Variants in CHSY3 observed in about 807,000 individuals in gnomAD.
CHSY3 encodes the protein N-acetylgalactosaminyl-proteoglycan 3-beta-glucuronosyltransferase 3.
Under a neutral mutation model 67.2 loss-of-function variants are expected in CHSY3, and 35 were observed. That is an observed-to-expected ratio of 0.52 (90% CI 0.40 to 0.69). The LOEUF is 0.69. Among genes scored for constraint, CHSY3 ranks in the 30% least tolerant of loss-of-function variants. The pLI is 0.00. For missense variants in CHSY3, 1,069 were observed against 1,138.5 expected (o/e 0.94, Z 0.88); for synonymous variants, 474 against 434.7 (o/e 1.09, Z -1.12).
At chr5:130,006,484 T>C (rs752371180) in intron 2 of CHSY3, among the ~76,000 whole-genome samples, 2 of 152,322 alleles carry the variant, frequency 1.3e-5, no homozygotes, top group Middle Eastern at 6.8e-3. Flanking sequence ...TGAGGTAATA[T>C]GTTTCAAAAT....
intron 2 of CHSY3, among the ~76,000 whole-genome samples, chr5:130,071,496 C>A (rs1370437432): frequency 1.3e-5 from 2 of 150,862 alleles, no homozygotes; most frequent in African/African-American, 2.4e-5. Context: ...TAAAACTGCG[C>A]AAAATATAGC....
intron 2 of CHSY3, among the ~76,000 whole-genome samples, chr5:129,952,214 G>A (rs114441989): frequency 1.3e-4 from 20 of 152,260 alleles, no homozygotes; most frequent in African/African-American, 4.3e-4. Flanking sequence ...AGCTCTTAGA[G>A]CAATAAGCAG....
intron 2 of CHSY3, among the ~76,000 whole-genome samples, chr5:130,162,370 A>G (rs1023451317): frequency 1.8e-4 from 27 of 152,106 alleles, no homozygotes; most frequent in Non-Finnish European, 4.4e-5. Flanking sequence ...CTCCCCATTT[A>G]AAAAAATGAG....
At chr5:130,042,659 T>G in intron 2 of CHSY3, among the ~76,000 whole-genome samples, 1 of 152,256 alleles carries the variant, frequency 6.6e-6, no homozygotes, top group Middle Eastern at 3.4e-3. Flanking sequence ...ATAAAATCAA[T>G]TACTTTCTTA....
rs544210482 is a variant in CHSY3 at position 130,102,764 on chromosome 5, T to C, written c.1087-81465T>C. Among the ~76,000 whole-genome samples, 12 of 152,228 alleles carry C rather than the reference T, an allele frequency of 7.9e-5. No homozygotes were observed. The South Asian group carries it at 2.3e-3, about 29-fold the overall frequency. ...TTTAAATTCCTACATATTGGCCTGG[T>C]TGTCGAGAAGAATAAGGGAATGGGG... On this transcript the variant is annotated intron_variant, in intron 2 of 2. Coordinates refer to ENST00000305031, the MANE Select transcript of CHSY3 (RefSeq NM_175856.5).
intron 2 of CHSY3, among the ~76,000 whole-genome samples, chr5:129,940,274 C>T (rs377600814): frequency 4.6e-5 from 7 of 152,066 alleles, no homozygotes; most frequent in South Asian, 2.1e-4. Flanking sequence ...TTGTTTACTA[C>T]CTATATGAGT....
At chr5:130,066,397 A>G (rs6889080) in intron 2 of CHSY3, among the ~76,000 whole-genome samples, 1,722 of 152,210 alleles carry the variant, frequency 0.011, 26 homozygotes, top group African/African-American at 0.038. Flanking sequence ...ATAAAAGTTA[A>G]GTGACTCTTC....
intron 2 of CHSY3, among the ~76,000 whole-genome samples, chr5:130,078,137 G>T (rs1766332585): frequency 1.3e-5 from 2 of 152,098 alleles, no homozygotes; most frequent in Admixed American, 1.3e-4. Context: ...GTTGGTGATA[G>T]GATTTTGAAT....
intron 2 of CHSY3, among the ~76,000 whole-genome samples, chr5:130,151,675 C>T (rs1769235261): frequency 1.3e-5 from 2 of 152,168 alleles, no homozygotes; most frequent in African/African-American, 4.8e-5. Flanking sequence ...CATGGTGGCA[C>T]GAAGAAGTGT....
In CHSY3 at chr5:130,087,207, G is replaced by A. The variant is rs1229223571; in HGVS notation, c.1087-97022G>A. ...AACTCTCAATAAATTAGGTATTGATGGGATGTATCTCAAAATAATAAGAGC... is the reference window on the plus strand; with the variant it reads ...AACTCTCAATAAATTAGGTATTGATAGGATGTATCTCAAAATAATAAGAGC... On this transcript the variant is annotated intron_variant, in intron 2 of 2. Coordinates refer to ENST00000305031, the MANE Select transcript of CHSY3 (RefSeq NM_175856.5). Among the ~76,000 whole-genome samples the A allele has an allele frequency of 2.6e-5, 4 of 151,672 alleles. No individual in the cohort carries two copies. The East Asian group carries it at 5.8e-4, about 22-fold the overall frequency.
At chr5:130,146,765 G>A (rs1769086428) in intron 2 of CHSY3, among the ~76,000 whole-genome samples, 1 of 149,338 alleles carries the variant, frequency 6.7e-6, no homozygotes, top group Admixed American at 6.7e-5. Flanking sequence ...TAAAAAAAAA[G>A]CATTTTCATT....
chr5:130,077,999 G>A (rs1191478741), intron 2 of CHSY3, among the ~76,000 whole-genome samples: 1 of 151,998 alleles, frequency 6.6e-6, no homozygotes, highest in East Asian at 1.9e-4. Context: ...CAGTCACTGT[G>A]CTAAGCAATG....
rs566562232 is a variant in CHSY3 at position 129,986,134 on chromosome 5, C to T, written c.1086+77774C>T. On this transcript the variant is annotated intron_variant, in intron 2 of 2. Coordinates refer to ENST00000305031, the MANE Select transcript of CHSY3 (RefSeq NM_175856.5). ...TCAATGGGAATACTCCCAGCTTTTG[C>T]CCATTCAGTATGCTGTTGGCTGTGG... Among the ~76,000 whole-genome samples, 26 of 152,198 alleles carry T rather than the reference C, an allele frequency of 1.7e-4. No homozygotes were observed. The South Asian group carries it at 5.4e-3, about 32-fold the overall frequency.
intron 2 of CHSY3, among the ~76,000 whole-genome samples, chr5:129,947,321 TACA>T (rs1292549362): frequency 1.3e-5 from 2 of 152,064 alleles, no homozygotes; most frequent in Non-Finnish European, 2.9e-5. Flanking sequence ...TTATGGGAAC[TACA>T]ATTCAAGACG....
chr5:129,975,250 T>C (rs1762772118), intron 2 of CHSY3, among the ~76,000 whole-genome samples: 1 of 152,070 alleles, frequency 6.6e-6, no homozygotes, highest in Admixed American at 6.6e-5. Flanking sequence ...ATAAATACAA[T>C]CTAAGACTAT....
intron 2 of CHSY3, among the ~76,000 whole-genome samples, chr5:130,092,421 G>A (rs1766911804): frequency 6.6e-6 from 1 of 152,134 alleles, no homozygotes; most frequent in South Asian, 2.1e-4. Context: ...GAGTTGGAAT[G>A]ATTATGTTTA....
intron 2 of CHSY3, among the ~76,000 whole-genome samples, chr5:130,014,396 G>T (rs748975839): frequency 8.5e-5 from 13 of 152,168 alleles, no homozygotes; most frequent in Non-Finnish European, 1.3e-4. Context: ...AGGTTTAATT[G>T]ACTCACAGTT....
intron 2 of CHSY3, among the ~76,000 whole-genome samples, chr5:130,042,268 A>C (rs1373685738): frequency 6.6e-6 from 1 of 152,114 alleles, no homozygotes; most frequent in Non-Finnish European, 1.5e-5. Flanking sequence ...CTGTTACAGG[A>C]TATCATTGCT....
intron 2 of CHSY3, among the ~76,000 whole-genome samples, chr5:130,053,857 G>T (rs1214499716): frequency 1.3e-5 from 2 of 152,050 alleles, no homozygotes; most frequent in Non-Finnish European, 2.9e-5. Context: ...TAATTTTGAG[G>T]TGCTCAAAAA....
Sources: allele counts gnomAD v4.1 joint callset (sites outside exome capture counted in the v4.1 genomes callset), GRCh38; gene constraint gnomAD v4.1.1; transcripts MANE v1.5; gene names NCBI Gene and HGNC (gene_info 2026-07-23, HGNC 2026-07-21).